ASIC2: variants seen among roughly 807,000 people sequenced by gnomAD.
ASIC2 encodes acid-sensing ion channel 2.
A neutral mutation model predicts 57.3 loss-of-function variants in ASIC2; 25 were observed. That is an observed-to-expected ratio of 0.44 (90% confidence interval 0.32 to 0.61). The LOEUF is 0.61. ASIC2 is among the 20% of genes least tolerant of loss of function. The pLI is 0.06. For missense variants in ASIC2, 641 were observed against 738.1 expected (o/e 0.87, Z 1.52); for synonymous variants, 319 against 307.5 (o/e 1.04, Z -0.39).
chr17:33,394,173 A>G (rs555833038), intron 1 of ASIC2, among the ~76,000 whole-genome samples: 20 of 152,240 alleles, frequency 1.3e-4, no homozygotes, highest in Non-Finnish European at 2.6e-4. Context: ...TGACAGGGCT[A>G]TAAGTAAAAA....
At chr17:34,083,997 C>A (rs1909998358) in intron 1 of ASIC2, among the ~76,000 whole-genome samples, 1 of 152,048 alleles carries the variant, frequency 6.6e-6, no homozygotes, top group South Asian at 2.1e-4. Context: ...ATGGTAGTTT[C>A]TTTTGATGTG....
At chr17:33,960,008 T>G (rs541232041) in intron 1 of ASIC2, among the ~76,000 whole-genome samples, 1 of 152,234 alleles carries the variant, frequency 6.6e-6, no homozygotes, top group Non-Finnish European at 1.5e-5. Context: ...CTAATCACAC[T>G]GCCTAGGTCC....
At chr17:33,731,560 G>C (rs1039996867) in intron 1 of ASIC2, among the ~76,000 whole-genome samples, 2 of 152,190 alleles carry the variant, frequency 1.3e-5, no homozygotes, top group African/African-American at 4.8e-5. Context: ...TAATTAGAAA[G>C]AGCTAGGAAT....
chr17:33,780,767 AGGCGGGAG>A (rs1222165355), intron 1 of ASIC2, among the ~76,000 whole-genome samples: 25 of 152,188 alleles, frequency 1.6e-4, no homozygotes, highest in Admixed American at 1.6e-3. Flanking sequence ...TGAGCAGGGA[AGGCGGGAG>A]GGCCCTTCAG....
At chr17:33,498,366 C>T (rs73983915) in intron 1 of ASIC2, among the ~76,000 whole-genome samples, 1,656 of 152,304 alleles carry the variant, frequency 0.011, 26 homozygotes, top group African/African-American at 0.038. Context: ...GGGAGTCAGG[C>T]AGTGTGGAGC....
intron 1 of ASIC2, among the ~76,000 whole-genome samples, chr17:33,549,984 A>T (rs769482486): frequency 6.6e-6 from 1 of 152,136 alleles, no homozygotes; most frequent in Non-Finnish European, 1.5e-5. Flanking sequence ...CACCTCCAGC[A>T]TTTTGCCAGA....
chr17:33,489,435 C>A (rs994972727), intron 1 of ASIC2, among the ~76,000 whole-genome samples: 1 of 152,192 alleles, frequency 6.6e-6, no homozygotes, highest in Non-Finnish European at 1.5e-5. Context: ...GTGCTCGCAG[C>A]CAGAATGGAA....
chr17:33,805,336 C>T (rs1230690260), intron 1 of ASIC2, among the ~76,000 whole-genome samples: 1 of 152,134 alleles, frequency 6.6e-6, no homozygotes, highest in Non-Finnish European at 1.5e-5. Flanking sequence ...GAAAATATCC[C>T]AGGTGAAACC....
intron 1 of ASIC2, among the ~76,000 whole-genome samples, chr17:33,857,139 G>T (rs574217409): frequency 6.6e-6 from 1 of 152,036 alleles, no homozygotes; most frequent in African/African-American, 2.4e-5. Flanking sequence ...CTAACCCCAC[G>T]CTCACTCCAG....
intron 1 of ASIC2, among the ~76,000 whole-genome samples, chr17:33,787,087 C>G (rs572087606): frequency 6.6e-6 from 1 of 152,260 alleles, no homozygotes; most frequent in East Asian, 1.9e-4. Flanking sequence ...GTGGGGAGTC[C>G]AGGAGAGAAG....
chr17:34,080,199 T>A (rs576831418), intron 1 of ASIC2, among the ~76,000 whole-genome samples: 1 of 152,314 alleles, frequency 6.6e-6, no homozygotes, highest in African/African-American at 2.4e-5. Context: ...ACCAAAACTA[T>A]GATGCACTGC....
rs532166812 is a variant in ASIC2 at position 34,130,281 on chromosome 17, A to T, written c.555+25697T>A. On this transcript the variant is annotated intron_variant, in intron 1 of 9. Coordinates refer to the ASIC2 transcript ENST00000359872. ...CCCTTACCCTGTGCAGGCTCCAAAG[A>T]TAATGCAGTGAATCAGATTCAACCA... Among the ~76,000 whole-genome samples the T allele has an allele frequency of 5.9e-5, 9 of 152,308 alleles. No individual in the cohort carries two copies. The East Asian group carries it at 1.4e-3, about 23-fold the overall frequency.
intron 1 of ASIC2, among the ~76,000 whole-genome samples, chr17:34,117,873 T>A (rs993806916): frequency 1.3e-5 from 2 of 152,060 alleles, no homozygotes; most frequent in East Asian, 3.9e-4. Flanking sequence ...ATTAGATAAA[T>A]AACAGCAAGG....
chr17:33,652,230 G>A (rs915671508), intron 1 of ASIC2, among the ~76,000 whole-genome samples: 1 of 152,152 alleles, frequency 6.6e-6, no homozygotes, highest in African/African-American at 2.4e-5. Flanking sequence ...TGCCCCAGGT[G>A]GGCAGGAGAC....
At chr17:34,051,733 C>G (rs1354597715) in intron 1 of ASIC2, 1 of 151,896 alleles carries the variant, frequency 6.6e-6, no homozygotes, top group Non-Finnish European at 1.5e-5. Flanking sequence ...GTCTTCCTTC[C>G]AAGCTGAAAG....
chr17:33,398,993 C>G (rs4794947), intron 1 of ASIC2, among the ~76,000 whole-genome samples: 95,313 of 152,060 alleles, frequency 0.63, 30,876 homozygotes, highest in East Asian at 0.84. Flanking sequence ...AGTGATTTAG[C>G]TTCAGATAGT....
intron 1 of ASIC2, among the ~76,000 whole-genome samples, chr17:33,272,807 A>G (rs1404766198): frequency 6.6e-6 from 1 of 152,240 alleles, no homozygotes; most frequent in Non-Finnish European, 1.5e-5. Context: ...GTTTCTCAGA[A>G]CATCCCAGTG....
intron 1 of ASIC2, among the ~76,000 whole-genome samples, chr17:33,953,017 A>G (rs1480553190): frequency 6.6e-6 from 1 of 152,198 alleles, no homozygotes; most frequent in East Asian, 1.9e-4. Context: ...TAAAATGACT[A>G]TCATATATTA....
chr17:33,278,472 A>C lies in ASIC2; in HGVS notation c.708+12936T>G, dbSNP rs1308637325. Among the ~76,000 whole-genome samples, 4 of 144,766 alleles carry C rather than the reference A, an allele frequency of 2.8e-5. No homozygotes were observed. In the South Asian group the frequency reaches 6.9e-4, roughly 25 times the overall value. The allele number at this position is 144,766 out of a possible 152,430, so 95.0% of individuals were successfully genotyped here. A position where few individuals can be genotyped will look rare whatever the true frequency, so the allele number is the denominator to read the frequency against. ...CCCTGTACTCCAGCCTGGGTGACAG[A>C]GACAGACCCTGTATCAGAAAAAAAA... On this transcript the variant is annotated intron_variant, in intron 1 of 9. Transcript: ENST00000225823.
Sources: allele counts gnomAD v4.1 joint callset (sites outside exome capture counted in the v4.1 genomes callset), GRCh38; gene constraint gnomAD v4.1.1; transcripts MANE v1.5; gene names NCBI Gene and HGNC (gene_info 2026-07-23, HGNC 2026-07-21).